WDFY3: variants seen among roughly 807,000 people sequenced by gnomAD.
WDFY3 encodes the protein WD repeat and FYVE domain containing 3.
Under a neutral mutation model 409.6 loss-of-function variants are expected in WDFY3, and 66 were observed. The observed-to-expected ratio is 0.16, with a 90% CI of 0.13 to 0.20. The LOEUF is 0.20. Among genes scored for constraint, WDFY3 ranks in the 10% least tolerant of loss-of-function variants. The probability of loss-of-function intolerance (pLI) is 1.00; values close to 1 mark genes in which losing one functional copy is unlikely to be tolerated. For synonymous variants in WDFY3, 1,521 were observed against 1,537.1 expected, an observed-to-expected ratio of 0.99 and a Z score of 0.25; for missense variants, 3,031 against 4,298.1, an observed-to-expected ratio of 0.71 and a Z score of 8.24.
chr4:84,944,351 A>G (rs1448408245), intron 1 of WDFY3, among the ~76,000 whole-genome samples: 4 of 151,790 alleles, frequency 2.6e-5, no homozygotes, highest in Non-Finnish European at 5.9e-5. Context: ...CCCATTCTCT[A>G]CGAAAAAAAT....
At chr4:84,833,692 AG>A (rs1578734237) in intron 7 of WDFY3, among the ~76,000 whole-genome samples, 1 of 150,424 alleles carries the variant, frequency 6.6e-6, no homozygotes, top group Non-Finnish European at 1.5e-5. Context: ...AAAAGAAAAG[AG>A]AAGAGAAGAG....
At chr4:84,925,054 A>G (rs1769791099) in intron 2 of WDFY3, among the ~76,000 whole-genome samples, 1 of 152,158 alleles carries the variant, frequency 6.6e-6, no homozygotes, top group Non-Finnish European at 1.5e-5. Context: ...GTGTTTCTTC[A>G]TTCATTCAGC....
chr4:84,868,534 T>C lies in WDFY3; in HGVS notation c.-31-7912A>G, dbSNP rs140253370. On this transcript the variant is annotated intron_variant, in intron 3 of 67. Coordinates refer to ENST00000295888, the MANE Select transcript of WDFY3 (RefSeq NM_014991.6). ...GAGATACTACAAGATTAGCCCAGTC[T>C]ATGGACCCATCATACTATATATACC... 4.8e-3 allele frequency among the ~76,000 whole-genome samples: 726 copies of C among 152,264 alleles called. 4 individuals are homozygous for C. The highest frequency in any genetic ancestry group is 0.016 in the African/African-American group (681 of 41,562).
At chr4:84,793,943 A>C (rs1033653900) in intron 21 of WDFY3, among the ~76,000 whole-genome samples, 1 of 152,228 alleles carries the variant, frequency 6.6e-6, no homozygotes, top group Non-Finnish European at 1.5e-5. Flanking sequence ...TCTTGAGCAA[A>C]GAAAATTAAG....
intron 56 of WDFY3, among the ~76,000 whole-genome samples, chr4:84,699,994 C>T (rs1047950500): frequency 2.7e-5 from 4 of 149,914 alleles, no homozygotes; most frequent in African/African-American, 2.5e-5. Context: ...TATTTTCTTC[C>T]ATTCTATAGG....
At chr4:84,804,495 A>G (rs185898347) in intron 15 of WDFY3, among the ~76,000 whole-genome samples, 172 of 152,332 alleles carry the variant, frequency 1.1e-3, no homozygotes, top group African/African-American at 4.0e-3. Context: ...CGCTTTACTT[A>G]TAAAAAGGCA....
chr4:84,880,674 C>CATATATATATATAT lies in WDFY3; in HGVS notation c.-32+16223_-32+16236dup, dbSNP rs61351182. On this transcript the variant is annotated intron_variant, in intron 3 of 67. Coordinates refer to ENST00000295888, the MANE Select transcript of WDFY3 (RefSeq NM_014991.6). ...AGTGTTTGTCAATAAGGGAACCATA[C>CATATATATATATAT]ATATATATATATATATATATATATA... Among the ~76,000 whole-genome samples, 47 of 50,348 alleles carry CATATATATATATAT rather than the reference C, an allele frequency of 9.3e-4. 1 individual carries two copies. Among genetic ancestry groups the CATATATATATATAT allele is most frequent in the Admixed American group, 1.1e-3 (4 of 3,668 alleles). The allele number at this position is 50,348 out of a possible 152,430, so 33.0% of individuals were successfully genotyped here.
chr4:84,827,907 A>G (rs1295618260), intron 9 of WDFY3, among the ~76,000 whole-genome samples: 1 of 152,114 alleles, frequency 6.6e-6, no homozygotes, highest in Non-Finnish European at 1.5e-5. Flanking sequence ...GCTTGAGGCT[A>G]GAGTTTGGCA....
intron 3 of WDFY3, among the ~76,000 whole-genome samples, chr4:84,889,204 T>G (rs569579604): frequency 6.6e-6 from 1 of 152,338 alleles, no homozygotes; most frequent in African/African-American, 2.4e-5. Flanking sequence ...AGCAAATTTT[T>G]ATTCCCTCCA....
intron 67 of WDFY3, 106 bp downstream of exon 67, chr4:84,677,093 T>C: frequency 7.7e-7 from 1 of 1,296,100 alleles, no homozygotes; most frequent in Non-Finnish European, 1.1e-6. Flanking sequence ...CAACAAGGCA[T>C]ACTGTAGTGG....
At chr4:84,706,822 T>C (rs1318052713) in intron 53 of WDFY3, among the ~76,000 whole-genome samples, 6 of 152,020 alleles carry the variant, frequency 3.9e-5, no homozygotes, top group East Asian at 1.9e-4. Context: ...TCTGGGAGTA[T>C]ATGAGGAATA....
In WDFY3 at chr4:84,681,173, G is replaced by A. The variant is rs575343909; in HGVS notation, c.9823+1201C>T. On this transcript the variant is annotated intron_variant, in intron 64 of 67. Coordinates refer to ENST00000295888, the MANE Select transcript of WDFY3 (RefSeq NM_014991.6). ...TTCTACATTGTTCAATCCTTCCTGT[G>A]GGCTGTTCTCCCTGCCACTTCTGCC... 6.0e-4 allele frequency among the ~76,000 whole-genome samples: 91 copies of A among 152,158 alleles called. 1 individual carries two copies. In the South Asian group the frequency reaches 0.018, roughly 31 times the overall value.
intron 2 of WDFY3, among the ~76,000 whole-genome samples, chr4:84,917,110 T>C (rs1394010016): frequency 6.6e-6 from 1 of 152,176 alleles, no homozygotes; most frequent in Non-Finnish European, 1.5e-5. Context: ...TGGAAAGATA[T>C]AACTTTTAAA....
chr4:84,685,282 TGAG>T lies in WDFY3; in HGVS notation c.9544-1160_9544-1158del, dbSNP rs60325584. Among the ~76,000 whole-genome samples, 341 of 152,018 alleles carry T rather than the reference TGAG, an allele frequency of 2.2e-3. 1 individual carries two copies. Among genetic ancestry groups the T allele is most frequent in the Non-Finnish European group, 2.9e-3 (196 of 67,952 alleles). ...TAAGGTGGAGGAGGCTGGGGTAGGG[TGAG>T]GAGGAGGACTGGGCCTGTTCCATCC... On this transcript the variant is annotated intron_variant, in intron 62 of 67. Coordinates refer to ENST00000295888, the MANE Select transcript of WDFY3 (RefSeq NM_014991.6).
intron 46 of WDFY3, among the ~76,000 whole-genome samples, chr4:84,722,599 T>C (rs1158681528): frequency 6.6e-6 from 1 of 152,174 alleles, no homozygotes; most frequent in African/African-American, 2.4e-5. Context: ...ACTACCTACA[T>C]TTTGACAACT....
At chr4:84,704,108 A>C (rs1269616542) in intron 55 of WDFY3, among the ~76,000 whole-genome samples, 1 of 152,188 alleles carries the variant, frequency 6.6e-6, no homozygotes, top group Non-Finnish European at 1.5e-5. Flanking sequence ...TGAAAAATGT[A>C]TGCTACTTAT....
At chr4:84,824,566 A>G (rs1754576401) in intron 10 of WDFY3, among the ~76,000 whole-genome samples, 3 of 152,162 alleles carry the variant, frequency 2.0e-5, no homozygotes, top group African/African-American at 7.2e-5. Context: ...ACTAAAACAG[A>G]CTAGTGGTTG....
At chr4:84,674,474 G>GT (rs1442611892) in intron 67 of WDFY3, among the ~76,000 whole-genome samples, 1 of 152,132 alleles carries the variant, frequency 6.6e-6, no homozygotes, top group African/African-American at 2.4e-5. Flanking sequence ...GAAGGCTGAG[G>GT]TGGGAGGACT....
chr4:84,780,449 T>C (rs1236179760), intron 25 of WDFY3, 151 bp from the exon 26 acceptor site: 2 of 937,696 alleles, frequency 2.1e-6, no homozygotes, highest in Non-Finnish European at 1.5e-6. Flanking sequence ...GCATTAAAGG[T>C]AGAATTTGGG....
Sources: gnomAD v4.1 joint callset for allele counts (sites outside exome capture counted in the v4.1 genomes callset) on GRCh38, gnomAD v4.1.1 for gene constraint, MANE v1.5 for transcripts, NCBI Gene and HGNC (gene_info 2026-07-23, HGNC 2026-07-21) for gene names.